The following FBXW11 variants were observed in gnomAD, a reference collection of about 807,000 sequenced individuals.
The protein encoded by FBXW11 is F-box and WD repeat domain containing 11, also known as F-box/WD repeat-containing protein 11.
In FBXW11, 19 loss-of-function variants were observed where a neutral mutation model predicts 77.6. The observed-to-expected ratio is 0.24, with a 90% CI of 0.17 to 0.36. The LOEUF (loss-of-function observed/expected upper bound fraction) is 0.36. FBXW11 is among the 10% of genes least tolerant of loss of function. The probability of loss-of-function intolerance (pLI) is 1.00; values close to 1 mark genes in which losing one functional copy is unlikely to be tolerated. For missense variants in FBXW11, 334 were observed against 704.2 expected, an observed-to-expected ratio of 0.47 and a Z score of 5.95; for synonymous variants, 235 against 249.4, an observed-to-expected ratio of 0.94 and a Z score of 0.54.
chr5:171,967,871 T>TAC (rs1764290306), intron 1 of FBXW11, among the ~76,000 whole-genome samples: 1 of 110,880 alleles, frequency 9.0e-6, no homozygotes, highest in African/African-American at 3.6e-5. Flanking sequence ...TATATATATA[T>TAC]ATATATATAT....
intron 6 of FBXW11, among the ~76,000 whole-genome samples, chr5:171,892,385 T>C (rs940314175): frequency 2.6e-5 from 4 of 152,196 alleles, no homozygotes; most frequent in Non-Finnish European, 5.9e-5. Flanking sequence ...AAACAGAGTT[T>C]AATTTGCCTG....
chr5:171,933,961 C>T (rs1762349445), intron 2 of FBXW11, among the ~76,000 whole-genome samples: 1 of 152,174 alleles, frequency 6.6e-6, no homozygotes, highest in Admixed American at 6.5e-5. Context: ...ACATCCCAAA[C>T]AAGCCTTTCT....
intron 2 of FBXW11, among the ~76,000 whole-genome samples, chr5:171,935,354 C>A (rs191370254): frequency 6.6e-6 from 1 of 152,106 alleles, no homozygotes; most frequent in East Asian, 1.9e-4. Context: ...CTGAATTGTA[C>A]ACTTTAAATG....
rs1757184053 is a variant in FBXW11 at position 171,863,078 on chromosome 5, A to G, written c.*1049T>C. 1 of 152,626 alleles carries G rather than the reference A, an allele frequency of 6.6e-6. No homozygotes were observed. The highest frequency in any genetic ancestry group is 1.5e-5 in the Non-Finnish European group (1 of 68,046). The allele number at this position is 152,626 out of a possible 1,614,324, so 9.5% of individuals were successfully genotyped here. ...CTCTATTGTATAATATATACTCCAC[A>G]ACAAATAAAACATTTTGGTGTTAAA... On this transcript the variant is annotated 3_prime_UTR_variant, in exon 14 of 14. Transcript: ENST00000517395.
At chr5:171,931,444 G>A (rs1423535892) in intron 2 of FBXW11, among the ~76,000 whole-genome samples, 1 of 152,134 alleles carries the variant, frequency 6.6e-6, no homozygotes, top group African/African-American at 2.4e-5. Flanking sequence ...ACGATGAAGA[G>A]TCTCATCAAC....
intron 1 of FBXW11, among the ~76,000 whole-genome samples, chr5:171,993,943 T>C (rs561128629): frequency 3.0e-4 from 45 of 152,214 alleles, no homozygotes; most frequent in African/African-American, 1.1e-3. Context: ...ATTTCAATCA[T>C]TGCAGAAAGT....
intron 1 of FBXW11, among the ~76,000 whole-genome samples, chr5:172,003,793 A>G: frequency 6.6e-6 from 1 of 152,236 alleles, no homozygotes; most frequent in East Asian, 1.9e-4. Context: ...GCAAGGAAAA[A>G]CAGAAGAATC....
chr5:171,950,785 G>T (rs1292701887), intron 2 of FBXW11, among the ~76,000 whole-genome samples: 2 of 152,170 alleles, frequency 1.3e-5, no homozygotes, highest in Non-Finnish European at 2.9e-5. Flanking sequence ...TATTCAGGAG[G>T]CTGAGGCAGG....
At chr5:171,917,764 C>CTGTGTG (rs1036387534) in intron 2 of FBXW11, among the ~76,000 whole-genome samples, 7 of 65,674 alleles carry the variant, frequency 1.1e-4, no homozygotes, top group African/African-American at 2.2e-4. Flanking sequence ...TCTAGACTCA[C>CTGTGTG]TCTGTGTGTG....
Position 171,898,995 on chromosome 5 carries a change from TAA to T in FBXW11, c.714+7_714+8del, listed in dbSNP as rs1759935657. 1 of 1,547,184 alleles carries T rather than the reference TAA, an allele frequency of 6.5e-7. No homozygotes were observed. The highest frequency in any genetic ancestry group is 8.8e-7 in the Non-Finnish European group (1 of 1,140,362). ...AAGAGCCCATAAAACAGATAAATCA[TAA>T]AGTTACCTCTATATCCTGGATAATC... On this transcript the variant is annotated splice_region_variant and intron_variant, in intron 6 of 13. Transcript: ENST00000517395.
intron 2 of FBXW11, among the ~76,000 whole-genome samples, chr5:171,926,840 T>G (rs536857015): frequency 6.6e-6 from 1 of 152,286 alleles, no homozygotes; most frequent in East Asian, 1.9e-4. Flanking sequence ...TCCTTAGCAC[T>G]TAGAATAATT....
At chr5:172,002,221 C>T (rs577994034) in intron 1 of FBXW11, among the ~76,000 whole-genome samples, 39 of 152,266 alleles carry the variant, frequency 2.6e-4, no homozygotes, top group African/African-American at 9.1e-4. Context: ...TTCTCCTGGG[C>T]TAGCTCCCTA....
chr5:171,892,321 T>C (rs959258855), intron 6 of FBXW11, among the ~76,000 whole-genome samples: 1 of 152,218 alleles, frequency 6.6e-6, no homozygotes, highest in Admixed American at 6.5e-5. Flanking sequence ...AAATGATCCA[T>C]ACAATAACCT....
At chr5:171,936,016 T>C (rs1762456118) in intron 2 of FBXW11, among the ~76,000 whole-genome samples, 1 of 143,922 alleles carries the variant, frequency 6.9e-6, no homozygotes, top group African/African-American at 2.6e-5. Context: ...GAGGCTGAGA[T>C]AGGAGAACTG....
At chr5:172,003,035 T>C (rs532156351) in intron 1 of FBXW11, 1 of 152,116 alleles carries the variant, frequency 6.6e-6, no homozygotes, top group Admixed American at 6.6e-5. Flanking sequence ...CCTACATTAC[T>C]TCATTGAACA....
At chr5:171,976,366 C>G (rs1478899948) in intron 1 of FBXW11, among the ~76,000 whole-genome samples, 1 of 152,064 alleles carries the variant, frequency 6.6e-6, no homozygotes, top group Non-Finnish European at 1.5e-5. Flanking sequence ...TAGAAATAGC[C>G]TTTTGATATA....
intron 2 of FBXW11, among the ~76,000 whole-genome samples, chr5:171,927,439 C>T (rs1761954438): frequency 6.6e-6 from 1 of 152,140 alleles, no homozygotes; most frequent in East Asian, 1.9e-4. Flanking sequence ...ATCACAATCA[C>T]ACACATACTA....
chr5:171,903,245 T>TGCCTCCACA (rs1222335046), intron 4 of FBXW11, among the ~76,000 whole-genome samples: 2 of 152,004 alleles, frequency 1.3e-5, no homozygotes, highest in African/African-American at 4.8e-5. Context: ...TACAGGCACA[T>TGCCTCCACA]GCCTCCACAC....
At chr5:171,877,264 A>G (rs1223473954) in intron 8 of FBXW11, among the ~76,000 whole-genome samples, 1 of 152,116 alleles carries the variant, frequency 6.6e-6, no homozygotes, top group Non-Finnish European at 1.5e-5. Context: ...TGAGTCTGAG[A>G]TGACAGGAAG....
Sources: gnomAD v4.1 joint callset for allele counts (sites outside exome capture counted in the v4.1 genomes callset) on GRCh38, gnomAD v4.1.1 for gene constraint, MANE v1.5 for transcripts, NCBI Gene and HGNC (gene_info 2026-07-23, HGNC 2026-07-21) for gene names.